ZNF248: variants seen among roughly 807,000 people sequenced by gnomAD.
The protein encoded by ZNF248 is KRAB protein domain.
In ZNF248, 20 loss-of-function variants were observed where a neutral mutation model predicts 44.3. The ratio of observed to expected loss-of-function variants is 0.45; its 90% confidence interval spans 0.32 to 0.66. The LOEUF (loss-of-function observed/expected upper bound fraction) is 0.66. Among genes scored for constraint, ZNF248 ranks in the 30% least tolerant of loss-of-function variants. The pLI is 0.04. For synonymous variants in ZNF248, 224 were observed against 229.0 expected (o/e 0.98, Z 0.20); for missense variants, 654 against 677.0 (o/e 0.97, Z 0.38).
chr10:37,856,843 T>C, intron 1 of ZNF248: 1 of 438,018 alleles, frequency 2.3e-6, no homozygotes, highest in Non-Finnish European at 3.0e-6. Flanking sequence ...CAGCAGTGGC[T>C]CGGGAAACTG....
At chr10:37,766,302 A>G in the ZNF248 span, among the ~76,000 whole-genome samples, 1 of 152,218 alleles carries the variant, frequency 6.6e-6, no homozygotes, top group Non-Finnish European at 1.5e-5. Context: ...GAACGGGCAG[A>G]CTGCCTCCTC....
chr10:37,824,773 T>C (rs1015080054), downstream of ZNF248, among the ~76,000 whole-genome samples: 4 of 130,964 alleles, frequency 3.1e-5, no homozygotes, highest in East Asian at 2.6e-4. Context: ...GCTCCACCTC[T>C]CCGGTTCACA....
chr10:37,761,914 T>A, the ZNF248 span, among the ~76,000 whole-genome samples: 1 of 152,230 alleles, frequency 6.6e-6, no homozygotes, highest in Non-Finnish European at 1.5e-5. Context: ...ATCCAACTGC[T>A]TCCCAGTTTT....
intron 6 of ZNF248, among the ~76,000 whole-genome samples, chr10:37,817,804 C>T (rs1286957013): frequency 6.6e-6 from 1 of 152,106 alleles, no homozygotes; most frequent in Non-Finnish European, 1.5e-5. Context: ...CCCAGCTGAG[C>T]CTTTGTGCTA....
At chr10:37,848,581 C>T (rs1401845589) in intron 3 of ZNF248, among the ~76,000 whole-genome samples, 3 of 120,550 alleles carry the variant, frequency 2.5e-5, no homozygotes, top group South Asian at 2.3e-4. Flanking sequence ...AGACAGACTC[C>T]GTCTCAAAAA....
chr10:37,762,598 G>C, the ZNF248 span, among the ~76,000 whole-genome samples: 1 of 152,174 alleles, frequency 6.6e-6, no homozygotes, highest in Non-Finnish European at 1.5e-5. Context: ...ACAGAAATAA[G>C]TATGTGGCCT....
intron 4 of ZNF248, 28 bp from the exon 5 acceptor site, chr10:37,837,740 G>C: frequency 1.9e-6 from 3 of 1,597,002 alleles, no homozygotes; most frequent in Non-Finnish European, 1.7e-6. Flanking sequence ...CACAGGACTA[G>C]AGCTAAATAG....
chr10:37,820,806 G>T, intron 6 of ZNF248: 1 of 1,186,878 alleles, frequency 8.4e-7, no homozygotes, highest in Non-Finnish European at 1.3e-6. Context: ...TTTGCCTTTT[G>T]TTTCCTGATT....
chr10:37,836,066 C>G (rs547548670), intron 5 of ZNF248, among the ~76,000 whole-genome samples: 1 of 152,236 alleles, frequency 6.6e-6, no homozygotes, highest in African/African-American at 2.4e-5. Context: ...TGGGATCACA[C>G]TTGATTCTCC....
intron 6 of ZNF248, among the ~76,000 whole-genome samples, chr10:37,788,262 TAAAAA>T (rs59927437): frequency 9.1e-6 from 1 of 110,350 alleles, no homozygotes. Context: ...GACTCCATCT[TAAAAA>T]AAAAAAAAAA....
intron 6 of ZNF248, chr10:37,803,014 G>A (rs897499217): frequency 7.9e-5 from 12 of 151,972 alleles, no homozygotes; most frequent in Middle Eastern, 3.2e-3. Flanking sequence ...TGTAGAGACC[G>A]GGTCTCACTA....
At chr10:37,834,785 A>G (rs911471619) in intron 5 of ZNF248, among the ~76,000 whole-genome samples, 6 of 152,220 alleles carry the variant, frequency 3.9e-5, no homozygotes, top group African/African-American at 1.4e-4. Context: ...AGTATGAATT[A>G]CCTGAAAAAA....
At chr10:37,760,350 C>G in the ZNF248 span, among the ~76,000 whole-genome samples, 1 of 152,110 alleles carries the variant, frequency 6.6e-6, no homozygotes, top group African/African-American at 2.4e-5. Context: ...CCCACCTCAG[C>G]CTACTGAGTA....
chr10:37,804,010 C>T (rs764240569), intron 6 of ZNF248: 14 of 152,294 alleles, frequency 9.2e-5, no homozygotes, highest in African/African-American at 3.4e-4. Context: ...ACATGGAGAA[C>T]AGAGTTCGAA....
Position 37,835,679 on chromosome 10 carries a change from T to C in ZNF248, c.238+1938A>G, listed in dbSNP as rs145083689. Among the ~76,000 whole-genome samples the C allele has an allele frequency of 2.9e-3, 437 of 152,142 alleles. 2 individuals carry two copies. The highest frequency in any genetic ancestry group is 1.0e-2 in the African/African-American group (414 of 41,504). ...AGAGCAAGAGGAGAACGAGAAGGAA[T>C]AAGGAAAAGAAAGAAGATGAGGAGG... On this transcript the variant is annotated intron_variant, in intron 5 of 5. Coordinates refer to ENST00000395867, the MANE Select transcript of ZNF248 (RefSeq NM_021045.3).
chr10:37,793,698 G>C (rs962865610), intron 6 of ZNF248, among the ~76,000 whole-genome samples: 1 of 152,092 alleles, frequency 6.6e-6, no homozygotes, highest in Non-Finnish European at 1.5e-5. Context: ...TATGCATATA[G>C]ATCTCAGAGA....
the ZNF248 span, among the ~76,000 whole-genome samples, chr10:37,771,139 T>G: frequency 6.6e-6 from 1 of 152,166 alleles, no homozygotes; most frequent in Non-Finnish European, 1.5e-5. Context: ...CTGGAGAAGA[T>G]GTGGAGAAAT....
intron 3 of ZNF248, among the ~76,000 whole-genome samples, chr10:37,845,646 T>C (rs2059203136): frequency 1.3e-5 from 2 of 151,908 alleles, no homozygotes; most frequent in African/African-American, 4.8e-5. Flanking sequence ...ATATGCATTA[T>C]AAGAAACATC....
downstream of ZNF248, among the ~76,000 whole-genome samples, chr10:37,774,838 T>G (rs552568538): frequency 6.6e-6 from 1 of 152,314 alleles, no homozygotes; most frequent in Admixed American, 6.5e-5. Flanking sequence ...TGGAGTGCAG[T>G]GGCACAATCT....
Sources: gnomAD v4.1 joint callset for allele counts (sites outside exome capture counted in the v4.1 genomes callset) on GRCh38, gnomAD v4.1.1 for gene constraint, MANE v1.5 for transcripts, NCBI Gene and HGNC (gene_info 2026-07-23, HGNC 2026-07-21) for gene names.